Variants in KLHL2 observed in about 807,000 individuals in gnomAD.
KLHL2 encodes kelch like family member 2.
Under a neutral mutation model 75.8 loss-of-function variants are expected in KLHL2, and 15 were observed. The ratio of observed to expected loss-of-function variants is 0.20; its 90% CI spans 0.13 to 0.30. The LOEUF (loss-of-function observed/expected upper bound fraction) is 0.30. Among genes scored for constraint, KLHL2 ranks in the 10% least tolerant of loss-of-function variants. KLHL2 has a pLI of 1.00. For synonymous variants in KLHL2, 214 were observed against 251.9 expected, an observed-to-expected ratio of 0.85 and a Z score of 1.42; for missense variants, 381 against 741.0, an observed-to-expected ratio of 0.51 and a Z score of 5.64.
intron 4 of KLHL2, among the ~76,000 whole-genome samples, chr4:165,260,790 A>G (rs1385941287): frequency 6.6e-6 from 1 of 152,230 alleles, no homozygotes; most frequent in East Asian, 1.9e-4. Flanking sequence ...TGTAATGAAT[A>G]TCTTGTGCAT....
intron 5 of KLHL2, among the ~76,000 whole-genome samples, chr4:165,282,036 C>T (rs193172986): frequency 6.6e-6 from 1 of 152,178 alleles, no homozygotes; most frequent in Non-Finnish European, 1.5e-5. Flanking sequence ...AATGACCTGT[C>T]AGTATGTGGG....
chr4:165,216,986 A>C (rs1737592296), intron 1 of KLHL2, among the ~76,000 whole-genome samples: 1 of 152,214 alleles, frequency 6.6e-6, no homozygotes, highest in Non-Finnish European at 1.5e-5. Flanking sequence ...ACTGTCTTAA[A>C]GTGAATTCTC....
At chr4:165,234,544 C>T (rs533873328) in intron 3 of KLHL2, among the ~76,000 whole-genome samples, 1 of 150,860 alleles carries the variant, frequency 6.6e-6, no homozygotes, top group South Asian at 2.1e-4. Context: ...ATTCATTTTG[C>T]AATGGATAAG....
At chr4:165,298,734 G>A (rs1199279339) in intron 7 of KLHL2, among the ~76,000 whole-genome samples, 3 of 152,064 alleles carry the variant, frequency 2.0e-5, no homozygotes, top group Non-Finnish European at 4.4e-5. Flanking sequence ...CCAGGAGTTC[G>A]AGACCAGCCT....
chr4:165,320,427 T>C (rs933025594), intron 14 of KLHL2, among the ~76,000 whole-genome samples: 1 of 152,208 alleles, frequency 6.6e-6, no homozygotes, highest in Non-Finnish European at 1.5e-5. Context: ...AGTAAGGGAC[T>C]GCTTTTTATT....
At chr4:165,211,492 G>T (rs941063357) in intron 1 of KLHL2, among the ~76,000 whole-genome samples, 21 of 152,210 alleles carry the variant, frequency 1.4e-4, no homozygotes, top group African/African-American at 5.1e-4. Flanking sequence ...TTCAATTGCT[G>T]TGAATTTGGA....
chr4:165,242,766 G>T (rs993948627), intron 4 of KLHL2, among the ~76,000 whole-genome samples: 1 of 152,052 alleles, frequency 6.6e-6, no homozygotes, highest in African/African-American at 2.4e-5. Flanking sequence ...TCAAGTGCTG[G>T]GATTATAGGC....
At chr4:165,317,519 C>T (rs1488666012) in intron 13 of KLHL2, among the ~76,000 whole-genome samples, 1 of 152,048 alleles carries the variant, frequency 6.6e-6, no homozygotes, top group Non-Finnish European at 1.5e-5. Context: ...CACACTCCCC[C>T]ATGCCTGGCT....
intron 3 of KLHL2, among the ~76,000 whole-genome samples, chr4:165,236,784 A>C (rs1351239462): frequency 1.3e-5 from 2 of 152,220 alleles, no homozygotes; most frequent in African/African-American, 4.8e-5. Context: ...TCAAAACAGT[A>C]TATAATTGAA....
At chr4:165,304,284 A>G (rs1261633341) in intron 8 of KLHL2, among the ~76,000 whole-genome samples, 1 of 152,166 alleles carries the variant, frequency 6.6e-6, no homozygotes, top group Non-Finnish European at 1.5e-5. Context: ...AAAAACTAAA[A>G]TGGGCTTCTT....
chr4:165,311,809 C>CTGTGTA (rs1553964996), intron 11 of KLHL2, among the ~76,000 whole-genome samples: 6 of 144,790 alleles, frequency 4.1e-5, no homozygotes, highest in African/African-American at 1.5e-4. Context: ...TCCTTTCTCT[C>CTGTGTA]TGTGTGTGTG....
At position 165,207,843 on chromosome 4, in the gene KLHL2, G is replaced by A; in HGVS notation, c.-34G>A. 4 of 1,446,074 alleles carry A rather than the reference G, an allele frequency of 2.8e-6. No individual in the cohort carries two copies. Among genetic ancestry groups the A allele is most frequent in the Non-Finnish European group, 3.7e-6 (4 of 1,092,300 alleles). 89.6% of individuals were successfully genotyped at this position (1,446,074 alleles called of 1,614,324 possible). The stretch of plus-strand genomic sequence containing the variant: ...TGGAATGGTGCTGGCTGTGTTGGTC[G>A]GTGCCTGCGTTCTGAAGCCCGAGAG... On this transcript the variant is annotated 5_prime_UTR_variant, in exon 1 of 15. Transcript: ENST00000226725. This position sits in a 1 kb window ranked among gnomAD's most constrained non-coding sequence, Gnocchi z 4.2.
In KLHL2 at chr4:165,222,813, G is replaced by A. The variant is rs143905288; in HGVS notation, c.152+2754G>A. Among the ~76,000 whole-genome samples the A allele has an allele frequency of 3.3e-3, 504 of 152,288 alleles. 2 individuals carry two copies. The highest frequency in any genetic ancestry group is 8.3e-3 in the South Asian group (40 of 4,826). ...GAGTGGTTTCCTGACTTCTGGGAAG[G>A]GAAAACTTCCTTGTTCTCACCACTC... is the stretch of plus-strand genomic sequence containing the variant. On this transcript the variant is annotated intron_variant, in intron 2 of 14. Coordinates refer to ENST00000226725, the MANE Select transcript of KLHL2 (RefSeq NM_007246.4).
intron 5 of KLHL2, among the ~76,000 whole-genome samples, chr4:165,280,754 A>C (rs1579111179): frequency 6.6e-6 from 1 of 152,334 alleles, no homozygotes; most frequent in East Asian, 1.9e-4. Context: ...AACTACATGC[A>C]GTCTCTGCTA....
intron 1 of KLHL2, among the ~76,000 whole-genome samples, chr4:165,210,946 A>AT (rs71724471): frequency 0.09 from 13,696 of 151,906 alleles, 1,706 homozygotes; most frequent in African/African-American, 0.28. Flanking sequence ...GTAAGCCTTG[A>AT]TTTTTTTGCT....
intron 3 of KLHL2, among the ~76,000 whole-genome samples, chr4:165,235,567 C>T (rs1321186327): frequency 6.6e-6 from 1 of 152,140 alleles, no homozygotes. Flanking sequence ...CTTATCTAAC[C>T]AGTATTTATT....
intron 4 of KLHL2, chr4:165,240,506 C>A (rs1441540189): frequency 6.6e-6 from 1 of 150,706 alleles, no homozygotes; most frequent in Non-Finnish European, 1.5e-5. Context: ...GGGGTTGTTT[C>A]TAAATGTATG....
At chr4:165,295,167 T>G (rs1029779632) in intron 6 of KLHL2, among the ~76,000 whole-genome samples, 37 of 152,184 alleles carry the variant, frequency 2.4e-4, no homozygotes, top group Admixed American at 2.4e-3. Flanking sequence ...AGTGGGCTGT[T>G]TTTCCTTGGG....
intron 4 of KLHL2, among the ~76,000 whole-genome samples, chr4:165,241,089 G>A (rs1739783486): frequency 6.6e-6 from 1 of 152,160 alleles, no homozygotes; most frequent in South Asian, 2.1e-4. Context: ...CTTATTAAAT[G>A]CTTAACATTT....
Sources: gnomAD v4.1 joint callset for allele counts (sites outside exome capture counted in the v4.1 genomes callset) on GRCh38, gnomAD v4.1.1 for gene constraint, Gnocchi (gnomAD v3.1) non-coding constraint, MANE v1.5 for transcripts, NCBI Gene and HGNC (gene_info 2026-07-23, HGNC 2026-07-21) for gene names.